The following LRRC3B variants were observed in gnomAD, a reference collection of about 807,000 sequenced individuals.
The protein encoded by LRRC3B is leucine-rich repeat-containing protein 3B.
A neutral mutation model predicts 12.8 loss-of-function variants in LRRC3B; 2 were observed. The observed-to-expected ratio is 0.16, with a 90% CI of 0.06 to 0.49. LRRC3B has a LOEUF of 0.49. Ranked by LOEUF, LRRC3B falls within the 20% of genes least tolerant of loss-of-function variation. The pLI, the probability that LRRC3B is intolerant of heterozygous loss-of-function variation, is 0.96. For synonymous variants in LRRC3B, 132 were observed against 122.0 expected (o/e 1.08, Z -0.54); for missense variants, 189 against 319.4 (o/e 0.59, Z 3.11).
At chr3:26,636,429 T>G (rs1292972406) in intron 1 of LRRC3B, among the ~76,000 whole-genome samples, 3 of 152,178 alleles carry the variant, frequency 2.0e-5, no homozygotes, top group Non-Finnish European at 4.4e-5. Context: ...CATTTGAGAA[T>G]GGAGAAGCAA....
At chr3:26,642,291 C>T (rs1030876339) in intron 1 of LRRC3B, among the ~76,000 whole-genome samples, 10 of 152,196 alleles carry the variant, frequency 6.6e-5, no homozygotes, top group African/African-American at 2.4e-4. Context: ...ATCTTAGGGA[C>T]TTCCTGGAGT....
At chr3:26,630,831 T>G (rs1698742038) in intron 1 of LRRC3B, among the ~76,000 whole-genome samples, 1 of 152,172 alleles carries the variant, frequency 6.6e-6, no homozygotes, top group Non-Finnish European at 1.5e-5. Context: ...ACCATAAAAT[T>G]TATCATTTCC....
intron 1 of LRRC3B, among the ~76,000 whole-genome samples, chr3:26,640,495 CAG>C (rs1699008091): frequency 6.6e-6 from 1 of 151,352 alleles, no homozygotes; most frequent in African/African-American, 2.4e-5. Flanking sequence ...ATGCAGACCC[CAG>C]CTTAGAAATA....
At position 26,671,237 on chromosome 3, in the gene LRRC3B, G is replaced by A. The variant is rs1324211542; in HGVS notation, c.-160-38276G>A. ...TCACCGTTTTAGCCGGGATGGTCTC[G>A]ATCTCCTGACCTCGTGATCCGCCCG... On this transcript the variant is annotated intron_variant, in intron 1 of 1. Transcript: ENST00000396641. Among the ~76,000 whole-genome samples the A allele has an allele frequency of 1.0e-4, 15 of 144,052 alleles. No homozygotes were observed. In the South Asian group the frequency reaches 2.4e-3, roughly 23 times the overall value. 94.5% of individuals were successfully genotyped at this position (144,052 alleles called of 152,430 possible). A position where few individuals can be genotyped will look rare whatever the true frequency, so the allele number is the denominator to read the frequency against.
intron 1 of LRRC3B, among the ~76,000 whole-genome samples, chr3:26,634,588 G>T (rs546037344): frequency 6.6e-6 from 1 of 152,230 alleles, no homozygotes; most frequent in African/African-American, 2.4e-5. Flanking sequence ...CATGGTGTGT[G>T]TTGGCTGTTC....
chr3:26,649,655 A>G (rs920742930), intron 1 of LRRC3B, among the ~76,000 whole-genome samples: 1 of 151,980 alleles, frequency 6.6e-6, no homozygotes, highest in African/African-American at 2.4e-5. Flanking sequence ...TTCTCCCTCT[A>G]CCTCATATTT....
chr3:26,653,784 A>G (rs1252744411), intron 1 of LRRC3B, among the ~76,000 whole-genome samples: 1 of 152,204 alleles, frequency 6.6e-6, no homozygotes, highest in Non-Finnish European at 1.5e-5. Flanking sequence ...TGTTTCTGAG[A>G]GCAGACTGTA....
rs1400848621 is a variant in LRRC3B at position 26,667,248 on chromosome 3, C to G, written c.-160-42265C>G. 1.3e-5 allele frequency among the ~76,000 whole-genome samples: 2 copies of G among 151,988 alleles called. 1 individual carries two copies. Among genetic ancestry groups the G allele is most frequent in the Non-Finnish European group, 2.9e-5 (2 of 67,996 alleles). On this transcript the variant is annotated intron_variant, in intron 1 of 1. Transcript: ENST00000396641. ...GAAAATCACTAACACTTGATGTCCA[C>G]TAACTGGACTTAGTGCATTATTAAG...
At chr3:26,709,907 A>G (rs1700706804) in exon 2 of LRRC3B, 1 of 1,614,120 alleles carries the variant, frequency 6.2e-7, no homozygotes, top group Non-Finnish European at 8.5e-7. Context: ...GATCACATCT[A>G]TTCCCAATGA....
intron 1 of LRRC3B, among the ~76,000 whole-genome samples, chr3:26,682,246 T>C (rs1300830148): frequency 2.0e-5 from 3 of 152,102 alleles, no homozygotes; most frequent in African/African-American, 7.2e-5. Flanking sequence ...AGCTGCCCTT[T>C]CCTCTTGTCC....
At chr3:26,657,435 T>G (rs1699394586) in intron 1 of LRRC3B, among the ~76,000 whole-genome samples, 1 of 152,196 alleles carries the variant, frequency 6.6e-6, no homozygotes, top group South Asian at 2.1e-4. Context: ...TCCAGTAGGC[T>G]GACACAAGAG....
At chr3:26,626,882 TCATCCTTCTG>T (rs2125396761) in intron 1 of LRRC3B, among the ~76,000 whole-genome samples, 1 of 152,312 alleles carries the variant, frequency 6.6e-6, no homozygotes, top group East Asian at 1.9e-4. Context: ...TTGAGTTGCT[TCATCCTTCTG>T]CACTCCCAGG....
intron 1 of LRRC3B, among the ~76,000 whole-genome samples, chr3:26,664,891 A>G (rs4973801): frequency 0.73 from 110,887 of 151,036 alleles, 41,056 homozygotes; most frequent in East Asian, 0.87. Flanking sequence ...AATTACTAGA[A>G]GGCTTAATAA....
chr3:26,689,346 G>A (rs994131167), intron 1 of LRRC3B, among the ~76,000 whole-genome samples: 1 of 152,094 alleles, frequency 6.6e-6, no homozygotes, highest in Admixed American at 6.5e-5. Flanking sequence ...AGCATCACAG[G>A]TTCAGTAACA....
At chr3:26,710,240 A>G (rs1270413454) in exon 2 of LRRC3B, 2 of 1,613,772 alleles carry the variant, frequency 1.2e-6, no homozygotes, top group Non-Finnish European at 8.5e-7. Context: ...CAATGCTGCC[A>G]ACGACGCTGA....
At chr3:26,694,543 G>GAGAC (rs1700262089) in intron 1 of LRRC3B, 1 of 152,172 alleles carries the variant, frequency 6.6e-6, no homozygotes, top group African/African-American at 2.4e-5. Flanking sequence ...CATCTACCAT[G>GAGAC]AGACAGTCAT....
rs907567746 is a variant in LRRC3B at position 26,645,552 on chromosome 3, C to CTA, written c.-161+22326_-161+22327dup. ...ATTATATATGTGCATATATCTATAT[C>CTA]TATATATATATAGATATATACACAT... On this transcript the variant is annotated intron_variant, in intron 1 of 1. Coordinates refer to ENST00000396641, the Ensembl canonical transcript of LRRC3B. Among the ~76,000 whole-genome samples the CTA allele has an allele frequency of 2.2e-3, 328 of 151,366 alleles. 5 individuals carry two copies. Among genetic ancestry groups the CTA allele is most frequent in the Non-Finnish European group, 1.5e-3 (100 of 67,848 alleles).
intron 1 of LRRC3B, among the ~76,000 whole-genome samples, chr3:26,626,943 A>G (rs1698640081): frequency 6.6e-6 from 1 of 152,222 alleles, no homozygotes; most frequent in Non-Finnish European, 1.5e-5. Flanking sequence ...ATCACAGGAA[A>G]CATTCTTTTG....
At chr3:26,701,484 TC>T (rs1700452942) in intron 1 of LRRC3B, among the ~76,000 whole-genome samples, 1 of 151,980 alleles carries the variant, frequency 6.6e-6, no homozygotes, top group Non-Finnish European at 1.5e-5. Flanking sequence ...GTTGCTGGAG[TC>T]CCTCTGTTCT....
Sources: gnomAD v4.1 joint callset for allele counts (sites outside exome capture counted in the v4.1 genomes callset) on GRCh38, gnomAD v4.1.1 for gene constraint, MANE v1.5 for transcripts, NCBI Gene and HGNC (gene_info 2026-07-23, HGNC 2026-07-21) for gene names.